Variants in MACROD2 observed in about 807,000 individuals in gnomAD.
MACROD2 encodes ADP-ribose glycohydrolase MACROD2.
Under a neutral mutation model 70.4 loss-of-function variants are expected in MACROD2, and 36 were observed. The observed-to-expected ratio is 0.51, with a 90% CI of 0.39 to 0.68. MACROD2 has a LOEUF of 0.68. Among genes scored for constraint, MACROD2 ranks in the 30% least tolerant of loss-of-function variants. The pLI is 0.00. For synonymous variants in MACROD2, 172 were observed against 178.8 expected, an observed-to-expected ratio of 0.96 and a Z score of 0.30; for missense variants, 496 against 538.4, an observed-to-expected ratio of 0.92 and a Z score of 0.78.
At chr20:15,765,416 A>T (rs538476269) in intron 8 of MACROD2, among the ~76,000 whole-genome samples, 1 of 152,274 alleles carries the variant, frequency 6.6e-6, no homozygotes, top group South Asian at 2.1e-4. Context: ...TATACTGATG[A>T]TTCCCCTATT....
chr20:14,215,013 A>C (rs1346749150), intron 3 of MACROD2, among the ~76,000 whole-genome samples: 1 of 150,556 alleles, frequency 6.6e-6, no homozygotes, highest in Non-Finnish European at 1.5e-5. Flanking sequence ...TATATATTCC[A>C]TCATATATAT....
At chr20:15,916,473 A>T (rs2065317685) in intron 10 of MACROD2, among the ~76,000 whole-genome samples, 1 of 152,222 alleles carries the variant, frequency 6.6e-6, no homozygotes, top group Admixed American at 6.5e-5. Flanking sequence ...GAGGAGACTT[A>T]AAACCCATCT....
intron 3 of MACROD2, among the ~76,000 whole-genome samples, chr20:14,303,401 C>T (rs2082493290): frequency 6.6e-6 from 1 of 152,204 alleles, no homozygotes; most frequent in East Asian, 1.9e-4. Context: ...ACAGTATTCA[C>T]ATCCCTTAGA....
chr20:14,190,128 C>T (rs1378793956), intron 3 of MACROD2, among the ~76,000 whole-genome samples: 2 of 152,138 alleles, frequency 1.3e-5, no homozygotes, highest in African/African-American at 2.4e-5. Flanking sequence ...GACTCTGGCA[C>T]TCATGAACTC....
At chr20:15,693,766 T>C (rs2050327695) in intron 8 of MACROD2, among the ~76,000 whole-genome samples, 1 of 152,204 alleles carries the variant, frequency 6.6e-6, no homozygotes, top group African/African-American at 2.4e-5. Context: ...TTTGGTTACA[T>C]GAATAACTTC....
intron 5 of MACROD2, among the ~76,000 whole-genome samples, chr20:15,088,213 C>T (rs2075763184): frequency 6.6e-6 from 1 of 151,266 alleles, no homozygotes; most frequent in Admixed American, 6.6e-5. Context: ...GCAAGAGTGC[C>T]TCTTTTGGCA....
At chr20:15,460,863 C>G (rs1485518636) in intron 7 of MACROD2, among the ~76,000 whole-genome samples, 5 of 151,142 alleles carry the variant, frequency 3.3e-5, no homozygotes, top group African/African-American at 1.2e-4. Context: ...ATGAGCTCTG[C>G]ACACCCTAGA....
rs118098315 is a variant in MACROD2, at chr20:16,021,979, G to A, written c.1154-19222G>A. Among the ~76,000 whole-genome samples, 963 of 151,816 alleles carry A rather than the reference G, an allele frequency of 6.3e-3. 4 individuals are homozygous for A. The highest frequency in any genetic ancestry group is 9.8e-3 in the Non-Finnish European group (665 of 67,960). On this transcript the variant is annotated intron_variant, in intron 15 of 17. Coordinates refer to ENST00000684519, the MANE Select transcript of MACROD2 (RefSeq NM_001351661.2). ...CCAGAAATTCTGTCCAGAATTATGG[G>A]TATTGTGGTCATTTAGCAAAAAGTA...
At chr20:15,982,299 T>A (rs1354145906) in intron 13 of MACROD2, among the ~76,000 whole-genome samples, 1 of 152,210 alleles carries the variant, frequency 6.6e-6, no homozygotes, top group Non-Finnish European at 1.5e-5. Flanking sequence ...ATAATAACTA[T>A]AAAATAATAG....
chr20:15,622,331 C>T (rs1007687093), intron 8 of MACROD2, among the ~76,000 whole-genome samples: 2 of 152,206 alleles, frequency 1.3e-5, no homozygotes, highest in African/African-American at 4.8e-5. Context: ...CCATAAAATA[C>T]AGCAGTGCCC....
chr20:14,731,755 A>C (rs1163446779), intron 5 of MACROD2, among the ~76,000 whole-genome samples: 3 of 152,034 alleles, frequency 2.0e-5, no homozygotes. Context: ...TTTCTCTCTT[A>C]AATGCATGGT....
chr20:14,374,087 A>T (rs2083350561), intron 3 of MACROD2, among the ~76,000 whole-genome samples: 1 of 152,104 alleles, frequency 6.6e-6, no homozygotes, highest in South Asian at 2.1e-4. Flanking sequence ...AGTGTATATT[A>T]TATCTATAAA....
At chr20:15,005,422 A>G (rs1191045269) in intron 5 of MACROD2, among the ~76,000 whole-genome samples, 1 of 152,182 alleles carries the variant, frequency 6.6e-6, no homozygotes, top group Non-Finnish European at 1.5e-5. Context: ...AAGAACAGTA[A>G]ACTTCAGCTT....
chr20:15,334,748 A>G (rs1041595366), intron 6 of MACROD2, among the ~76,000 whole-genome samples: 1 of 151,708 alleles, frequency 6.6e-6, no homozygotes, highest in African/African-American at 2.4e-5. Flanking sequence ...TGCAATGTAT[A>G]TTATGTTCAA....
chr20:14,273,497 G>T (rs2082218041), intron 3 of MACROD2, among the ~76,000 whole-genome samples: 1 of 148,164 alleles, frequency 6.7e-6, no homozygotes, highest in South Asian at 2.3e-4. Flanking sequence ...TCAAAGCAGT[G>T]TGTAGAGGGA....
At chr20:15,032,398 C>G (rs2075282768) in intron 5 of MACROD2, among the ~76,000 whole-genome samples, 1 of 152,222 alleles carries the variant, frequency 6.6e-6, no homozygotes, top group South Asian at 2.1e-4. Flanking sequence ...AGCGGACGCT[C>G]CAGATGGGCC....
chr20:14,761,599 C>T (rs1045690248), intron 5 of MACROD2, among the ~76,000 whole-genome samples: 2 of 152,108 alleles, frequency 1.3e-5, no homozygotes, highest in East Asian at 1.9e-4. Context: ...CACTGGTATG[C>T]GAGAGCAAGT....
chr20:15,224,722 A>T (rs1000201545), intron 5 of MACROD2, among the ~76,000 whole-genome samples: 2 of 152,084 alleles, frequency 1.3e-5, no homozygotes, highest in East Asian at 1.9e-4. Flanking sequence ...AGGTGGGTGG[A>T]TCACTTGAGG....
At chr20:15,281,241 C>A (rs971472808) in intron 6 of MACROD2, among the ~76,000 whole-genome samples, 1 of 148,184 alleles carries the variant, frequency 6.7e-6, no homozygotes, top group Non-Finnish European at 1.5e-5. Context: ...AGAGCCAAAC[C>A]ATATTATTCT....
Sources: allele counts gnomAD v4.1 joint callset (sites outside exome capture counted in the v4.1 genomes callset), GRCh38; gene constraint gnomAD v4.1.1; transcripts MANE v1.5; gene names NCBI Gene and HGNC (gene_info 2026-07-23, HGNC 2026-07-21).